TMTC1: variants seen among roughly 807,000 people sequenced by gnomAD.
TMTC1 encodes the protein transmembrane O-mannosyltransferase targeting cadherins 1, also known as protein O-mannosyl-transferase TMTC1.
Under a neutral mutation model 104.8 loss-of-function variants are expected in TMTC1, and 73 were observed. The observed-to-expected ratio is 0.70, with a 90% confidence interval of 0.58 to 0.85. The LOEUF (loss-of-function observed/expected upper bound fraction) is 0.85, where lower values mean the gene tolerates loss of function less well. Among genes scored for constraint, TMTC1 ranks in the 40% least tolerant of loss-of-function variants. TMTC1 has a pLI of 0.00. For missense variants in TMTC1, 1,035 were observed against 1,096.1 expected, an observed-to-expected ratio of 0.94 and a Z score of 0.79; for synonymous variants, 434 against 428.7, an observed-to-expected ratio of 1.01 and a Z score of -0.15.
intron 5 of TMTC1, among the ~76,000 whole-genome samples, chr12:29,733,546 C>T (rs1942598311): frequency 6.6e-6 from 1 of 152,180 alleles, no homozygotes; most frequent in Non-Finnish European, 1.5e-5. Context: ...CATAGGGAGG[C>T]TATACAAGTC....
chr12:29,520,676 C>G lies in TMTC1; in HGVS notation c.1830G>C (p.Lys610Asn). 1.2e-6 allele frequency: 2 copies of G among 1,613,462 alleles called. No homozygotes were observed. The highest frequency in any genetic ancestry group is 1.7e-6 in the Non-Finnish European group (2 of 1,179,856). The change falls in exon 12 of 18, where the codon AAG (lysine) becomes AAC (asparagine). Residue 610 changes from lysine (K) to asparagine (N), a missense_variant. Physicochemically the swap from Lys to Asn is moderately conservative, Grantham distance 94. Coordinates refer to ENST00000539277, the MANE Select transcript of TMTC1 (RefSeq NM_001193451.2). The stretch of plus-strand genomic sequence containing the variant: ...GTAAATCTGAGCTGTCTGGACAGTT[C>G]TTTATTCCAGTTTGGTATATTTCTT... ...EAEEIYQTGI[K>N]NCPDSSDLHN...
intron 11 of TMTC1, among the ~76,000 whole-genome samples, chr12:29,530,914 A>G (rs532094207): frequency 6.6e-6 from 1 of 152,288 alleles, no homozygotes; most frequent in Non-Finnish European, 1.5e-5. Context: ...GTTTATATCT[A>G]TCGGTCCTTT....
At chr12:29,681,113 A>AG (rs936847967) in intron 5 of TMTC1, among the ~76,000 whole-genome samples, 1 of 151,626 alleles carries the variant, frequency 6.6e-6, no homozygotes, top group African/African-American at 2.4e-5. Context: ...AAAAAAAAAA[A>AG]AAAAAGAAAC....
chr12:29,731,171 TTTTATTTGGTTTA>T (rs754681436), intron 5 of TMTC1, among the ~76,000 whole-genome samples: 6 of 152,216 alleles, frequency 3.9e-5, no homozygotes, highest in Non-Finnish European at 7.4e-5. Flanking sequence ...GCAAAGTGGA[TTTTATTTGGTTTA>T]TTTATTTATA....
intron 2 of TMTC1, among the ~76,000 whole-genome samples, chr12:29,760,353 G>C (rs1012694952): frequency 3.9e-5 from 6 of 152,174 alleles, no homozygotes; most frequent in Admixed American, 3.3e-4. Context: ...AGGGAGCAGA[G>C]GAGTTGGGAA....
At chr12:29,709,134 C>T (rs1391244115) in intron 5 of TMTC1, among the ~76,000 whole-genome samples, 1 of 152,108 alleles carries the variant, frequency 6.6e-6, no homozygotes, top group Non-Finnish European at 1.5e-5. Context: ...ATCTATAACA[C>T]ACTCAAAAAG....
intron 5 of TMTC1, among the ~76,000 whole-genome samples, chr12:29,717,191 T>C (rs915591628): frequency 5.9e-5 from 9 of 152,262 alleles, no homozygotes; most frequent in Non-Finnish European, 8.8e-5. Context: ...ATCAACAACA[T>C]ATGGGAAATT....
intron 1 of TMTC1, among the ~76,000 whole-genome samples, chr12:29,781,123 T>TCGCACTAGAAGATGCAGTTTC (rs71045839): frequency 0.63 from 95,777 of 152,018 alleles, 30,814 homozygotes; most frequent in South Asian, 0.8. Context: ...CTTCATGCTA[T>TCGCACTAGAAGATGCAGTTTC]ACCTCAGGTG....
At chr12:29,627,271 A>G (rs1938050111) in intron 6 of TMTC1, among the ~76,000 whole-genome samples, 1 of 152,220 alleles carries the variant, frequency 6.6e-6, no homozygotes, top group South Asian at 2.1e-4. Flanking sequence ...AACAAAAAAG[A>G]CAATCCAATT....
intron 8 of TMTC1, 82 bp from the exon 9 acceptor site, chr12:29,572,300 G>A: frequency 1.7e-6 from 2 of 1,194,640 alleles, no homozygotes; most frequent in Non-Finnish European, 2.4e-6. Flanking sequence ...TCAGTTTCAT[G>A]AACCTGTATT....
At chr12:29,587,921 T>G (rs897354337) in intron 7 of TMTC1, among the ~76,000 whole-genome samples, 3 of 152,126 alleles carry the variant, frequency 2.0e-5, no homozygotes, top group Non-Finnish European at 4.4e-5. Flanking sequence ...TAAACACACC[T>G]CCTTAAAAAA....
intron 7 of TMTC1, 33 bp from the exon 8 acceptor site, chr12:29,583,607 T>C (rs559307765): frequency 1.3e-6 from 2 of 1,595,468 alleles, no homozygotes; most frequent in Non-Finnish European, 8.5e-7. Flanking sequence ...CGGGATTACT[T>C]TGGGGGTGCA....
intron 6 of TMTC1, chr12:29,613,892 AAAGC>A: frequency 1.0e-6 from 1 of 955,008 alleles, no homozygotes; most frequent in South Asian, 4.8e-5. Flanking sequence ...ACTTTTTCAC[AAAGC>A]AAGTCACACT....
chr12:29,676,234 T>C (rs759887), intron 5 of TMTC1, among the ~76,000 whole-genome samples: 71,821 of 152,066 alleles, frequency 0.47, 17,084 homozygotes, highest in East Asian at 0.52. Flanking sequence ...TTTTTAAATA[T>C]TGGTTAGGAC....
At chr12:29,680,567 T>A (rs1275822502) in intron 5 of TMTC1, among the ~76,000 whole-genome samples, 1 of 152,220 alleles carries the variant, frequency 6.6e-6, no homozygotes. Flanking sequence ...TTACAGTCAA[T>A]ATTGCCTATG....
intron 10 of TMTC1, among the ~76,000 whole-genome samples, chr12:29,553,930 A>G (rs1335383206): frequency 1.3e-5 from 2 of 152,204 alleles, no homozygotes; most frequent in Non-Finnish European, 2.9e-5. Context: ...TCATAACTGT[A>G]GAATAGCATT....
In TMTC1 at chr12:29,783,883, G is replaced by A. The variant is rs1565834826; in HGVS notation, c.-132C>T. The A allele has an allele frequency of 1.1e-6, 1 of 901,486 alleles. No homozygotes were observed. Among genetic ancestry groups the A allele is most frequent in the Non-Finnish European group, 1.4e-6 (1 of 739,324 alleles). The allele number at this position is 901,486 out of a possible 1,614,324, so 55.8% of individuals were successfully genotyped here. A position where few individuals can be genotyped will look rare whatever the true frequency, so the allele number is the denominator to read the frequency against. ...TGGTGCTGCGGCAGCTGGACCCGCC[G>A]CGAGCTCCCCGCGCTCCGCCGCCGC... On this transcript the variant is annotated 5_prime_UTR_variant, in exon 1 of 18. Coordinates refer to ENST00000539277, the MANE Select transcript of TMTC1 (RefSeq NM_001193451.2). This position sits in a 1 kb window ranked among gnomAD's most constrained non-coding sequence, Gnocchi z 4.7.
At chr12:29,750,155 A>C (rs1222826684) in intron 5 of TMTC1, among the ~76,000 whole-genome samples, 1 of 151,904 alleles carries the variant, frequency 6.6e-6, no homozygotes, top group African/African-American at 2.4e-5. Context: ...CACAGCCAGC[A>C]CAGCCCTTCA....
At chr12:29,669,427 T>C (rs1158393429) in intron 5 of TMTC1, among the ~76,000 whole-genome samples, 3 of 152,164 alleles carry the variant, frequency 2.0e-5, no homozygotes, top group Non-Finnish European at 2.9e-5. Flanking sequence ...AATAGTGCAG[T>C]GTTAGCATTG....
Sources: allele counts gnomAD v4.1 joint callset (sites outside exome capture counted in the v4.1 genomes callset), GRCh38; gene constraint gnomAD v4.1.1; non-coding constraint Gnocchi (gnomAD v3.1); transcripts MANE v1.5; gene names NCBI Gene and HGNC (gene_info 2026-07-23, HGNC 2026-07-21).